Variants in GSPT1 observed in about 807,000 individuals in gnomAD.
GSPT1 encodes eukaryotic peptide chain release factor GTP-binding subunit ERF3A.
Under a neutral mutation model 72.5 loss-of-function variants are expected in GSPT1, and 20 were observed. The observed-to-expected ratio is 0.28, with a 90% CI of 0.19 to 0.40. GSPT1 has a LOEUF of 0.40. GSPT1 is among the 10% of genes least tolerant of loss of function. The probability of loss-of-function intolerance (pLI) is 1.00; values close to 1 mark genes in which losing one functional copy is unlikely to be tolerated. For synonymous variants in GSPT1, 334 were observed against 293.5 expected, an observed-to-expected ratio of 1.14 and a Z score of -1.41; for missense variants, 580 against 811.9, an observed-to-expected ratio of 0.71 and a Z score of 3.47.
intron 6 of GSPT1, among the ~76,000 whole-genome samples, chr16:11,889,042 C>A (rs2054220201): frequency 6.6e-6 from 1 of 152,130 alleles, no homozygotes; most frequent in Admixed American, 6.5e-5. Flanking sequence ...GATGCTGTGG[C>A]TCACGCCTGT....
rs1460992406 is a variant in GSPT1, at chr16:11,871,480, T to C, written c.*1639A>G. 1 of 152,100 alleles carries C rather than the reference T, an allele frequency of 6.6e-6. No homozygotes were observed. The highest frequency in any genetic ancestry group is 1.5e-5 in the Non-Finnish European group (1 of 68,054). 9.4% of individuals were successfully genotyped at this position (152,100 alleles called of 1,614,324 possible). ...CTACTCAAGAGGCTGAGGCAGGAAA[T>C]TGCTTGAATCCGGGAGGTGGAGGCT... On this transcript the variant is annotated 3_prime_UTR_variant, in exon 15 of 15. Coordinates refer to ENST00000434724, the MANE Select transcript of GSPT1 (RefSeq NM_002094.4).
chr16:11,914,692 C>G (rs903343641), intron 1 of GSPT1, among the ~76,000 whole-genome samples: 10 of 152,168 alleles, frequency 6.6e-5, no homozygotes, highest in African/African-American at 2.4e-4. Flanking sequence ...ATATAGTCTC[C>G]TATCACACAT....
At chr16:11,896,843 A>C (rs1206833558) in intron 3 of GSPT1, 58 bp from the exon 4 acceptor site, 6 of 1,095,846 alleles carry the variant, frequency 5.5e-6, no homozygotes, top group Non-Finnish European at 8.1e-6. Flanking sequence ...TATACTTTAA[A>C]ATACACTAGC....
intron 6 of GSPT1, 43 bp downstream of exon 6, chr16:11,891,019 C>G: frequency 1.2e-6 from 1 of 864,206 alleles, no homozygotes; most frequent in Non-Finnish European, 1.9e-6. Context: ...TGGGCATCGT[C>G]TCCTTAAAAG....
At chr16:11,887,021 GTTTT>G (rs34304551) in intron 7 of GSPT1, 90 bp from the exon 8 acceptor site, 62 of 545,874 alleles carry the variant, frequency 1.1e-4, no homozygotes, top group Middle Eastern at 3.9e-4. Context: ...TATATCACGA[GTTTT>G]TTTTTTTTTT....
chr16:11,899,226 G>A (rs1051852285), intron 1 of GSPT1, among the ~76,000 whole-genome samples: 2 of 152,172 alleles, frequency 1.3e-5, no homozygotes, highest in African/African-American at 4.8e-5. Context: ...ATCAATACCT[G>A]TAAGAGTCAA....
At position 11,868,934 on chromosome 16, in the gene GSPT1, C is replaced by G. The variant is rs960565599; in HGVS notation, c.*4185G>C. The G allele has an allele frequency of 2.0e-5, 3 of 152,180 alleles. No individual in the cohort carries two copies. The highest frequency in any genetic ancestry group is 4.4e-5 in the Non-Finnish European group (3 of 68,042). The allele number at this position is 152,180 out of a possible 1,614,324, so 9.4% of individuals were successfully genotyped here. ...ATAAAGGTTTTAATTAATCTCCACT[C>G]CCACACCTTCAGGCCCTTATAATAA... On this transcript the variant is annotated 3_prime_UTR_variant, in exon 15 of 15. Coordinates refer to ENST00000434724, the MANE Select transcript of GSPT1 (RefSeq NM_002094.4).
chr16:11,873,058 T>C lies in GSPT1; in HGVS notation c.*61A>G. The C allele has an allele frequency of 1.1e-6, 1 of 873,844 alleles. No homozygotes were observed. The allele number at this position is 873,844 out of a possible 1,614,324, so 54.1% of individuals were successfully genotyped here. On this transcript the variant is annotated 3_prime_UTR_variant, in exon 15 of 15. Coordinates refer to ENST00000434724, the MANE Select transcript of GSPT1 (RefSeq NM_002094.4). ...GGGCAGAAAATAAGAGAAGGCGGTG[T>C]GAAGTAGGCTTCTGCAGTCAATTTT...
intron 11 of GSPT1, among the ~76,000 whole-genome samples, chr16:11,878,416 C>T (rs2054074645): frequency 6.6e-6 from 1 of 152,010 alleles, no homozygotes; most frequent in Non-Finnish European, 1.5e-5. Context: ...TGTGCCCGGC[C>T]TAAACTCTTT....
chr16:11,899,158 C>T (rs778443084), intron 1 of GSPT1, among the ~76,000 whole-genome samples: 2 of 152,224 alleles, frequency 1.3e-5, no homozygotes, highest in Middle Eastern at 6.8e-3. Flanking sequence ...ATGAATCATG[C>T]ACAGCAAGTA....
intron 1 of GSPT1, chr16:11,914,971 G>C (rs1465998600): frequency 7.9e-7 from 1 of 1,271,780 alleles, no homozygotes; most frequent in Non-Finnish European, 1.0e-6. Context: ...CCAACTCCTG[G>C]GATCTCTAAA....
chr16:11,877,377 C>A lies in GSPT1; in HGVS notation c.1602+30G>T, dbSNP rs1370056266. On this transcript the variant is annotated intron_variant, in intron 12 of 14. Transcript: ENST00000434724. The surrounding 1 kb of genome is among the most constrained non-coding windows in gnomAD (Gnocchi z 4.0). ...TCTAATTTCATTTAGACATTAAAAC[C>A]CACTATGACAACAACAATAATTTGT... The A allele has an allele frequency of 6.8e-7, 1 of 1,476,680 alleles. No individual in the cohort carries two copies. Among genetic ancestry groups the A allele is most frequent in the Admixed American group, 2.2e-5 (1 of 45,552 alleles). 91.5% of individuals were successfully genotyped at this position (1,476,680 alleles called of 1,614,324 possible).
intron 5 of GSPT1, among the ~76,000 whole-genome samples, chr16:11,894,346 C>A (rs751521250): frequency 6.6e-6 from 1 of 151,910 alleles, no homozygotes; most frequent in African/African-American, 2.4e-5. Flanking sequence ...AGGCCAGCCA[C>A]GGTCATTTCA....
At position 11,915,589 on chromosome 16, in the gene GSPT1, G is replaced by C. The variant is rs2054623168; in HGVS notation, c.132C>G (p.Cys44Trp). The change falls in exon 1 of 15, where the codon TGC becomes TGG. Residue 44 changes from cysteine (C) to tryptophan (W), a missense_variant. Coordinates refer to ENST00000434724, the MANE Select transcript of GSPT1 (RefSeq NM_002094.4). ...ADMEAPGPGP[C>W]GGGGSLAAAA... is the part of the protein sequence containing the mutation. ...CCGCCGCCAGGGAGCCGCCGCCGCC[G>C]CAAGGGCCCGGCCCGGGGGCTTCCA... 1 of 1,485,098 alleles carries C rather than the reference G, an allele frequency of 6.7e-7. No individual in the cohort carries two copies. The highest frequency in any genetic ancestry group is 2.4e-5 in the Admixed American group (1 of 42,242). The allele number at this position is 1,485,098 out of a possible 1,614,324, so 92.0% of individuals were successfully genotyped here.
chr16:11,896,690 C>T lies in GSPT1; in HGVS notation c.532G>A (p.Gly178Arg). ...TGGGCACTTTCCTCTGGCGGCCTTC[C>T]ATCTCCCAAGGAACCACCCCCTGGC... ...AEPGGGSLGD[G>R]RPPEESAHEM... The change falls in exon 4 of 15, where the codon GGA becomes AGA. Residue 178 changes from glycine (G) to arginine (R), a missense_variant. By Grantham distance (125) the Gly-to-Arg change is moderately radical. Around this residue, in one of 6 missense-constraint regions of GSPT1, gnomAD observed 327 missense variants for 298.8 expected, o/e 1.09. Transcript: ENST00000434724. 6.2e-7 allele frequency: 1 copy of T among 1,608,058 alleles called. No homozygotes were observed. The highest frequency in any genetic ancestry group is 1.3e-5 in the African/African-American group (1 of 74,964).
intron 11 of GSPT1, among the ~76,000 whole-genome samples, chr16:11,879,696 A>G (rs1467368829): frequency 2.8e-5 from 4 of 144,700 alleles, no homozygotes; most frequent in Non-Finnish European, 6.0e-5. Context: ...CCGAGATCAC[A>G]CCACTGCACT....
rs1299566540 is a variant in GSPT1 at position 11,877,220 on chromosome 16, T to C, written c.1602+187A>G. ...TTATCCAGTAAGCACTTGTACCAGC[T>C]TGAAGACCTTGTATGAGGTGCCTAT... On this transcript the variant is annotated intron_variant, in intron 12 of 14. Coordinates refer to ENST00000434724, the MANE Select transcript of GSPT1 (RefSeq NM_002094.4). This position sits in a 1 kb window ranked among gnomAD's most constrained non-coding sequence, Gnocchi z 4.0. 2.0e-5 allele frequency among the ~76,000 whole-genome samples: 3 copies of C among 152,226 alleles called. No individual in the cohort carries two copies. The highest frequency in any genetic ancestry group is 4.4e-5 in the Non-Finnish European group (3 of 68,036).
At chr16:11,892,603 C>G (rs112255384) in intron 5 of GSPT1, among the ~76,000 whole-genome samples, 77 of 149,968 alleles carry the variant, frequency 5.1e-4, no homozygotes, top group African/African-American at 1.9e-3. Flanking sequence ...CCAAAGCAGG[C>G]GGATCACAAG....
At chr16:11,885,444 A>G (rs996833604) in intron 9 of GSPT1, among the ~76,000 whole-genome samples, 170 bp from the exon 10 acceptor site, 2 of 152,238 alleles carry the variant, frequency 1.3e-5, no homozygotes, top group African/African-American at 4.8e-5. Flanking sequence ...AAACTATTAT[A>G]AAACTGCTCA....
Sources: allele counts gnomAD v4.1 joint callset (sites outside exome capture counted in the v4.1 genomes callset), GRCh38; gene constraint gnomAD v4.1.1; regional missense constraint gnomAD v4.1.1; non-coding constraint Gnocchi (gnomAD v3.1); transcripts MANE v1.5; gene names NCBI Gene and HGNC (gene_info 2026-07-23, HGNC 2026-07-21).